CHSY3: variants seen among roughly 807,000 people sequenced by gnomAD.
CHSY3 encodes the protein N-acetylgalactosaminyl-proteoglycan 3-beta-glucuronosyltransferase 3.
In CHSY3, 35 loss-of-function variants were observed where a neutral mutation model predicts 67.2. That is an observed-to-expected ratio of 0.52 (90% CI 0.40 to 0.69). The LOEUF (loss-of-function observed/expected upper bound fraction) is 0.69, where lower values mean the gene tolerates loss of function less well. CHSY3 is among the 30% of genes least tolerant of loss of function. CHSY3 has a pLI of 0.00. For missense variants in CHSY3, 1,069 were observed against 1,138.5 expected, an observed-to-expected ratio of 0.94 and a Z score of 0.88; for synonymous variants, 474 against 434.7, an observed-to-expected ratio of 1.09 and a Z score of -1.12.
chr5:129,996,808 T>C (rs1029489555), intron 2 of CHSY3, among the ~76,000 whole-genome samples: 6 of 152,148 alleles, frequency 3.9e-5, no homozygotes, highest in African/African-American at 1.4e-4. Flanking sequence ...TGTTTCTTTA[T>C]AATAGCATTT....
At chr5:130,166,826 T>C (rs902887837) in intron 2 of CHSY3, among the ~76,000 whole-genome samples, 1 of 152,118 alleles carries the variant, frequency 6.6e-6, no homozygotes, top group African/African-American at 2.4e-5. Flanking sequence ...ATCTCCTTGA[T>C]TGCACCACAA....
chr5:130,125,448 T>TAGATAGATAGAC (rs1768246158), intron 2 of CHSY3, among the ~76,000 whole-genome samples: 1 of 151,896 alleles, frequency 6.6e-6, no homozygotes, highest in Non-Finnish European at 1.5e-5. Context: ...GATAGATAGA[T>TAGATAGATAGAC]AGATAGACAG....
At chr5:129,950,510 T>C (rs1264341796) in intron 2 of CHSY3, among the ~76,000 whole-genome samples, 2 of 152,152 alleles carry the variant, frequency 1.3e-5, no homozygotes, top group African/African-American at 4.8e-5. Context: ...TATGCTCTTA[T>C]ATATTACAGT....
chr5:129,909,418 T>C (rs546132577), intron 2 of CHSY3, among the ~76,000 whole-genome samples: 1 of 152,208 alleles, frequency 6.6e-6, no homozygotes, highest in Non-Finnish European at 1.5e-5. Flanking sequence ...CACAGTTTCA[T>C]TTGTTTTTTT....
intron 2 of CHSY3, among the ~76,000 whole-genome samples, chr5:130,089,276 G>T (rs1304136381): frequency 6.6e-6 from 1 of 150,376 alleles, no homozygotes; most frequent in Non-Finnish European, 1.5e-5. Flanking sequence ...AATGCTAAAT[G>T]ACGAGTTAAT....
At chr5:130,020,422 AATATATATATATATATATAT>A (rs1174657766) in intron 2 of CHSY3, among the ~76,000 whole-genome samples, 6 of 33,356 alleles carry the variant, frequency 1.8e-4, no homozygotes, top group African/African-American at 3.6e-4. Flanking sequence ...TTCATCTCAA[AATATATATATATATATATAT>A]ATATATATAT....
intron 2 of CHSY3, among the ~76,000 whole-genome samples, chr5:129,982,426 T>C (rs185553477): frequency 2.0e-3 from 302 of 152,246 alleles, no homozygotes; most frequent in Non-Finnish European, 3.1e-3. Context: ...CCATGTAAAT[T>C]TGAACACATC....
intron 2 of CHSY3, among the ~76,000 whole-genome samples, chr5:130,138,035 G>C (rs1306686893): frequency 1.3e-5 from 2 of 152,072 alleles, no homozygotes; most frequent in African/African-American, 4.8e-5. Flanking sequence ...GAGAAACTCT[G>C]TGTGTTAATA....
intron 2 of CHSY3, among the ~76,000 whole-genome samples, chr5:130,070,813 C>G (rs778784460): frequency 4.6e-5 from 7 of 151,850 alleles, no homozygotes; most frequent in Non-Finnish European, 1.0e-4. Context: ...TTTCAGCAGC[C>G]AAAATAAAAC....
chr5:130,126,667 A>T (rs1768301191), intron 2 of CHSY3, among the ~76,000 whole-genome samples: 1 of 152,210 alleles, frequency 6.6e-6, no homozygotes, highest in Non-Finnish European at 1.5e-5. Context: ...GTTTTTCTCT[A>T]GTAGACTAAA....
At chr5:129,905,935 G>C (rs976265679) in intron 1 of CHSY3, 6 of 472,598 alleles carry the variant, frequency 1.3e-5, no homozygotes, top group Non-Finnish European at 2.1e-5. Context: ...GTTAGAAAAG[G>C]AACCTTAGAG....
chr5:130,018,877 G>T (rs1409629891), intron 2 of CHSY3, among the ~76,000 whole-genome samples: 2 of 152,038 alleles, frequency 1.3e-5, no homozygotes, highest in African/African-American at 4.8e-5. Context: ...TCGAGTGCAT[G>T]GATTCATTTC....
chr5:130,139,267 G>C (rs1768777590), intron 2 of CHSY3, among the ~76,000 whole-genome samples: 3 of 152,176 alleles, frequency 2.0e-5, no homozygotes, highest in Admixed American at 1.3e-4. Context: ...GGTAGAAATT[G>C]ATTGGCCCAA....
chr5:130,142,877 C>T (rs948230374), intron 2 of CHSY3, among the ~76,000 whole-genome samples: 1 of 152,092 alleles, frequency 6.6e-6, no homozygotes, highest in Non-Finnish European at 1.5e-5. Context: ...TGAAGATTTC[C>T]CTCAATCAGA....
At chr5:129,932,335 G>T (rs1761344577) in intron 2 of CHSY3, among the ~76,000 whole-genome samples, 1 of 151,670 alleles carries the variant, frequency 6.6e-6, no homozygotes, top group Non-Finnish European at 1.5e-5. Context: ...TCTTCTTCAG[G>T]AACCTATCTT....
intron 2 of CHSY3, among the ~76,000 whole-genome samples, chr5:130,152,691 G>A (rs562216609): frequency 6.6e-6 from 1 of 152,280 alleles, no homozygotes; most frequent in East Asian, 1.9e-4. Flanking sequence ...ACAGATAAGA[G>A]AATCACAGCT....
intron 2 of CHSY3, among the ~76,000 whole-genome samples, chr5:130,075,733 G>A (rs888088279): frequency 3.3e-5 from 5 of 152,098 alleles, no homozygotes; most frequent in Admixed American, 3.3e-4. Context: ...CATCTCCATG[G>A]AAGAAAGGGC....
At chr5:130,151,708 T>G (rs1343169966) in intron 2 of CHSY3, among the ~76,000 whole-genome samples, 3 of 152,100 alleles carry the variant, frequency 2.0e-5, no homozygotes, top group Admixed American at 6.5e-5. Context: ...GAAAGCCCCT[T>G]ATAAAACTAC....
intron 2 of CHSY3, among the ~76,000 whole-genome samples, chr5:130,136,902 C>G (rs1426303888): frequency 6.6e-6 from 1 of 152,140 alleles, no homozygotes; most frequent in Non-Finnish European, 1.5e-5. Context: ...TTTACTTCTT[C>G]CCTATTTTAA....
Sources: allele counts gnomAD v4.1 joint callset (sites outside exome capture counted in the v4.1 genomes callset), GRCh38; gene constraint gnomAD v4.1.1; transcripts MANE v1.5; gene names NCBI Gene and HGNC (gene_info 2026-07-23, HGNC 2026-07-21).